Variants in GSTA4 observed in about 807,000 individuals in gnomAD.
The protein encoded by GSTA4 is glutathione S-transferase A4.
In GSTA4, 15 loss-of-function variants were observed where a neutral mutation model predicts 24.4. The ratio of observed to expected loss-of-function variants is 0.61; its 90% CI spans 0.41 to 0.95. The LOEUF (loss-of-function observed/expected upper bound fraction) is 0.95, where lower values mean the gene tolerates loss of function less well. GSTA4 is among the 40% of genes least tolerant of loss of function. The probability of loss-of-function intolerance (pLI) is 0.00; values close to 1 mark genes in which losing one functional copy is unlikely to be tolerated. For synonymous variants in GSTA4, 92 were observed against 94.2 expected (o/e 0.98, Z 0.13); for missense variants, 244 against 262.1 (o/e 0.93, Z 0.48).
intron 2 of GSTA4, among the ~76,000 whole-genome samples, chr6:52,989,244 C>G (rs9382166): frequency 6.6e-6 from 1 of 152,196 alleles, no homozygotes; most frequent in Admixed American, 6.5e-5. Flanking sequence ...CAAGAAATAA[C>G]TATAAAAATG....
chr6:52,988,645 T>C (rs1317703135), intron 2 of GSTA4, among the ~76,000 whole-genome samples: 1 of 152,204 alleles, frequency 6.6e-6, no homozygotes, highest in Non-Finnish European at 1.5e-5. Context: ...CAGGTCCTGT[T>C]GATGAAAATC....
chr6:52,980,887 C>T (rs571374067), intron 6 of GSTA4, among the ~76,000 whole-genome samples: 11 of 152,222 alleles, frequency 7.2e-5, no homozygotes, highest in African/African-American at 2.2e-4. Flanking sequence ...GTGGGGTTGA[C>T]GGGACAGATG....
intron 3 of GSTA4, 112 bp from the exon 4 acceptor site, chr6:52,985,695 G>C: frequency 1.9e-6 from 2 of 1,079,948 alleles, no homozygotes; most frequent in Non-Finnish European, 2.7e-6. Flanking sequence ...TTAGGAAATA[G>C]TGTAAAGCTT....
chr6:52,981,665 G>T (rs1326727767), intron 6 of GSTA4, among the ~76,000 whole-genome samples: 3 of 152,122 alleles, frequency 2.0e-5, no homozygotes. Flanking sequence ...GGCAGGCCAG[G>T]TTTGGCCCAG....
In GSTA4 at chr6:52,982,713, G is replaced by A. The variant is rs1763474781; in HGVS notation, c.415-8C>T. On this transcript the variant is annotated splice_polypyrimidine_tract_variant and splice_region_variant and intron_variant, in intron 5 of 6. Transcript: ENST00000370963. ...TCCGTGACCCCTTAAAATCTGTAGG[G>A]AAATGGTGTGCATCAGTTACAATAT... is the stretch of plus-strand genomic sequence containing the variant. 5 of 1,606,978 alleles carry A rather than the reference G, an allele frequency of 3.1e-6. No homozygotes were observed. Among genetic ancestry groups the A allele is most frequent in the East Asian group, 2.2e-5 (1 of 44,832 alleles).
intron 1 of GSTA4, chr6:52,994,934 C>T (rs924301576): frequency 1.3e-5 from 2 of 152,308 alleles, no homozygotes; most frequent in East Asian, 3.9e-4. Context: ...CATGCAGGGG[C>T]GTAGCGGCAG....
chr6:52,978,634 TA>T (rs1561981669), intron 6 of GSTA4, 42 bp from the exon 7 acceptor site: 1 of 1,491,840 alleles, frequency 6.7e-7, no homozygotes, highest in East Asian at 2.3e-5. Context: ...ACAAAAAAGG[TA>T]TTAGATACTA....
chr6:52,978,515 A>AG lies in GSTA4; in HGVS notation c.623dup (p.Asp209Ter). On this transcript the variant is annotated frameshift_variant, in exon 7 of 7. Transcript: ENST00000370963. LOFTEE classifies it high-confidence loss of function. Reference sequence around the variant, plus strand: ...AGACGGTTCTCACATAAATTTCATCAGGGGGAGGCTTCTTCTTGCTGCCAG... The same window carrying AG: ...AGACGGTTCTCACATAAATTTCATCAGGGGGGAGGCTTCTTCTTGCTGCCAG... The AG allele has an allele frequency of 6.2e-7, 1 of 1,613,290 alleles. No homozygotes were observed. The highest frequency in any genetic ancestry group is 8.5e-7 in the Non-Finnish European group (1 of 1,179,306).
chr6:52,990,102 G>A (rs1030620098), intron 2 of GSTA4, among the ~76,000 whole-genome samples: 2 of 152,122 alleles, frequency 1.3e-5, no homozygotes, highest in Non-Finnish European at 2.9e-5. Context: ...CGTCTCAAAG[G>A]GGATTTGCCT....
At chr6:52,993,418 C>CAAACAAAATGCCTGTTTGAGACA (rs1384339885) in intron 2 of GSTA4, among the ~76,000 whole-genome samples, 1 of 152,070 alleles carries the variant, frequency 6.6e-6, no homozygotes, top group East Asian at 1.9e-4. Context: ...AACAAACAAA[C>CAAACAAAATGCCTGTTTGAGACA]AAACAAAATG....
At chr6:52,987,251 C>A in intron 3 of GSTA4, 106 bp downstream of exon 3, 1 of 716,784 alleles carries the variant, frequency 1.4e-6, no homozygotes, top group South Asian at 1.8e-5. Context: ...TTTTAGGATA[C>A]TGTTCTGAAT....
intron 2 of GSTA4, among the ~76,000 whole-genome samples, chr6:52,988,196 G>A (rs534779822): frequency 2.6e-5 from 4 of 151,554 alleles, no homozygotes; most frequent in African/African-American, 9.7e-5. Flanking sequence ...TACCAAATCT[G>A]GGAAAATTTA....
rs1270296412 is a variant in GSTA4 at position 52,982,648 on chromosome 6, C to A, written c.472G>T (p.Val158Leu). The A allele has an allele frequency of 1.2e-6, 2 of 1,610,430 alleles. No homozygotes were observed. Among genetic ancestry groups the A allele is most frequent in the Admixed American group, 1.7e-5 (1 of 59,970 alleles). Residue 158 changes from valine to leucine, a missense_variant, in exon 6 of 7, where the codon GTG becomes TTG. Coordinates refer to ENST00000370963, the MANE Select transcript of GSTA4 (RefSeq NM_001512.4). ...GCTAAAATGGTTTGGAGTAAAATCA[C>A]ATCTGCAAGGCTCAGCTGATTACCA... ...LVGNQLSLAD[V>L]ILLQTILALE... is the part of the protein sequence containing the mutation.
chr6:52,986,355 T>G (rs1460841201), intron 3 of GSTA4, among the ~76,000 whole-genome samples: 2 of 152,214 alleles, frequency 1.3e-5, no homozygotes, highest in Non-Finnish European at 2.9e-5. Context: ...GAACGATTCC[T>G]TCACTGTAGA....
In GSTA4 at chr6:52,987,361, C is replaced by A. The variant is rs1309758738; in HGVS notation, c.135G>T (p.Gln45His). 6.3e-7 allele frequency: 1 copy of A among 1,586,760 alleles called. No homozygotes were observed. The highest frequency in any genetic ancestry group is 8.6e-7 in the Non-Finnish European group (1 of 1,159,560). ...LETKEQLYKLQDGNHLLFQQV... is the reference protein window; with the variant it reads ...LETKEQLYKLHDGNHLLFQQV... The stretch of plus-strand genomic sequence containing the variant: ...TTGTTTCATTTTCATACTCACCATC[C>A]TGCAACTTGTACAACTGTTCTTTTG... The change falls in exon 3 of 7, where the codon CAG becomes CAT. Residue 45 changes from glutamine (Q) to histidine (H), a missense_variant. Transcript: ENST00000370963.
chr6:52,985,373 G>A lies in GSTA4; in HGVS notation c.272+78C>T, dbSNP rs147321184. On this transcript the variant is annotated intron_variant, in intron 4 of 6. Transcript: ENST00000370963. ...ACTATGTAAGACATAAAGTAAATGT[G>A]GTGTGCTACAGAGGTTGCTAATCAG... 29 of 1,310,024 alleles carry A rather than the reference G, an allele frequency of 2.2e-5. 1 individual carries two copies. The Middle Eastern group carries it at 8.4e-4, about 38-fold the overall frequency. 81.2% of individuals were successfully genotyped at this position (1,310,024 alleles called of 1,614,324 possible). A position where few individuals can be genotyped will look rare whatever the true frequency, so the allele number is the denominator to read the frequency against.
chr6:52,978,823 A>C (rs7740338), intron 6 of GSTA4, among the ~76,000 whole-genome samples: 15 of 152,206 alleles, frequency 9.9e-5, no homozygotes, highest in Non-Finnish European at 2.2e-4. Context: ...TGAAAAAAAA[A>C]CCTCAAAATA....
rs891689255 is a variant in GSTA4 at position 52,991,945 on chromosome 6, C to T, written c.87+2212G>A. On this transcript the variant is annotated intron_variant, in intron 2 of 6. Transcript: ENST00000370963. ...CTAATTTTTGTATTTTTGGGAGAGA[C>T]GGGGTTTCACCATGTTGGTCAGGCT... Among the ~76,000 whole-genome samples the T allele has an allele frequency of 2.0e-5, 3 of 151,874 alleles. 1 individual carries two copies. The South Asian group carries it at 6.2e-4, about 32-fold the overall frequency.
chr6:52,990,694 A>G (rs1049052881), intron 2 of GSTA4, among the ~76,000 whole-genome samples: 1 of 152,250 alleles, frequency 6.6e-6, no homozygotes, highest in African/African-American at 2.4e-5. Flanking sequence ...GTTATATTGC[A>G]TACATATATA....
Sources: gnomAD v4.1 joint callset for allele counts (sites outside exome capture counted in the v4.1 genomes callset) on GRCh38, gnomAD v4.1.1 for gene constraint, MANE v1.5 for transcripts, NCBI Gene and HGNC (gene_info 2026-07-23, HGNC 2026-07-21) for gene names.